The following RIMBP2 variants were observed in gnomAD, a reference collection of about 807,000 sequenced individuals.
RIMBP2 encodes the protein RIMS binding protein 2, also known as RIMS-binding protein 2.
In RIMBP2, 48 loss-of-function variants were observed where a neutral mutation model predicts 118.6. That is an observed-to-expected ratio of 0.40 (90% CI 0.32 to 0.51). The LOEUF is 0.51. Ranked by LOEUF, RIMBP2 falls within the 20% of genes least tolerant of loss-of-function variation. The probability of loss-of-function intolerance (pLI) is 0.41; values close to 1 mark genes in which losing one functional copy is unlikely to be tolerated. For missense variants in RIMBP2, 1,551 were observed against 1,768.3 expected (o/e 0.88, Z 2.20); for synonymous variants, 762 against 742.9 (o/e 1.03, Z -0.42).
intron 1 of RIMBP2, among the ~76,000 whole-genome samples, chr12:130,681,898 T>G (rs2064805258): frequency 6.6e-6 from 1 of 152,122 alleles, no homozygotes; most frequent in African/African-American, 2.4e-5. Flanking sequence ...GGTATCACCA[T>G]GCTGGCCAGA....
At chr12:130,611,799 G>C (rs1443472234) in intron 2 of RIMBP2, among the ~76,000 whole-genome samples, 3 of 152,050 alleles carry the variant, frequency 2.0e-5, no homozygotes, top group Non-Finnish European at 2.9e-5. Context: ...AACCCATGTC[G>C]ACCCATGAAA....
chr12:130,621,937 C>G lies in RIMBP2; in HGVS notation c.-217+6385G>C, dbSNP rs1388307408. Among the ~76,000 whole-genome samples, 1 of 152,238 alleles carries G rather than the reference C, an allele frequency of 6.6e-6. No homozygotes were observed. The highest frequency in any genetic ancestry group is 1.5e-5 in the Non-Finnish European group (1 of 68,040). On this transcript the variant is annotated intron_variant, in intron 2 of 22. Transcript: ENST00000690449. The surrounding 1 kb of genome is among the most constrained non-coding windows in gnomAD (Gnocchi z 6.6). ...GCACTAATGACTCGTTTGACTGTAA[C>G]TGGCACTGAGACTTCAGTATCAACA...
In RIMBP2 at chr12:130,396,154, A is replaced by C. The variant is rs2136224672; in HGVS notation, c.*1207T>G. 6.5e-6 allele frequency: 1 copy of C among 152,762 alleles called. No individual in the cohort carries two copies. The highest frequency in any genetic ancestry group is 1.5e-5 in the Non-Finnish European group (1 of 68,020). 9.5% of individuals were successfully genotyped at this position (152,762 alleles called of 1,614,324 possible). On this transcript the variant is annotated 3_prime_UTR_variant, in exon 23 of 23. Coordinates refer to ENST00000690449, the MANE Select transcript of RIMBP2 (RefSeq NM_001393629.1). ...AGTGTTGTATAAAATAACAAATTTTATTTCTAGAAAATATTTTACACTAAC... is the reference window on the plus strand; with the variant it reads ...AGTGTTGTATAAAATAACAAATTTTCTTTCTAGAAAATATTTTACACTAAC...
At chr12:130,626,561 C>T (rs1444305157) in intron 2 of RIMBP2, among the ~76,000 whole-genome samples, 1 of 152,000 alleles carries the variant, frequency 6.6e-6, no homozygotes, top group East Asian at 1.9e-4. Context: ...CCGCCGGCAT[C>T]ACCACCATCT....
intron 4 of RIMBP2, among the ~76,000 whole-genome samples, chr12:130,506,320 T>C (rs1299953509): frequency 1.3e-5 from 2 of 152,204 alleles, no homozygotes; most frequent in Non-Finnish European, 2.9e-5. Context: ...AAACCCACTG[T>C]AGCCACCTCT....
chr12:130,438,335 A>AACCC, intron 12 of RIMBP2, 30 bp downstream of exon 12: 22 of 865,002 alleles, frequency 2.5e-5, no homozygotes, highest in Non-Finnish European at 3.8e-5. Flanking sequence ...GGCCTAACAA[A>AACCC]CCCTCCCCAC....
intron 4 of RIMBP2, among the ~76,000 whole-genome samples, chr12:130,502,134 C>T (rs2049854644): frequency 6.6e-6 from 1 of 152,178 alleles, no homozygotes; most frequent in Non-Finnish European, 1.5e-5. Context: ...GGCAGTCACC[C>T]CAGCCCAACC....
chr12:130,449,537 A>T (rs1020015132), intron 9 of RIMBP2, among the ~76,000 whole-genome samples: 2 of 146,908 alleles, frequency 1.4e-5, no homozygotes, highest in Non-Finnish European at 3.0e-5. Flanking sequence ...TGCTGGACAC[A>T]CCCCCTTTCA....
At chr12:130,651,488 G>A (rs1355475772) in intron 1 of RIMBP2, 1 of 152,264 alleles carries the variant, frequency 6.6e-6, no homozygotes, top group African/African-American at 2.4e-5. Context: ...AGGTGAGATG[G>A]TCATTCCCAC....
chr12:130,689,416 A>C (rs1158252473), intron 1 of RIMBP2, among the ~76,000 whole-genome samples: 1 of 152,180 alleles, frequency 6.6e-6, no homozygotes, highest in African/African-American at 2.4e-5. Flanking sequence ...TTGGGCAACA[A>C]GAGTGAAATT....
intron 4 of RIMBP2, among the ~76,000 whole-genome samples, chr12:130,484,429 C>T (rs964927325): frequency 2.6e-5 from 4 of 152,224 alleles, no homozygotes; most frequent in African/African-American, 7.2e-5. Flanking sequence ...GCCTGGTGGC[C>T]GCCCGGCCCC....
At chr12:130,505,225 G>A (rs2050186807) in intron 4 of RIMBP2, among the ~76,000 whole-genome samples, 1 of 152,084 alleles carries the variant, frequency 6.6e-6, no homozygotes, top group Admixed American at 6.5e-5. Flanking sequence ...GACCAGCTTG[G>A]TTCACATTCA....
chr12:130,403,730 C>A (rs147735345), intron 21 of RIMBP2, among the ~76,000 whole-genome samples: 34 of 152,114 alleles, frequency 2.2e-4, no homozygotes, highest in Middle Eastern at 3.5e-3. Flanking sequence ...TAGCATAATC[C>A]CGGTATCAAA....
chr12:130,655,611 T>C (rs189611548), intron 1 of RIMBP2, among the ~76,000 whole-genome samples: 12 of 152,284 alleles, frequency 7.9e-5, no homozygotes, highest in Admixed American at 5.2e-4. Flanking sequence ...AAATGTTGCA[T>C]AGACACAGAA....
chr12:130,521,737 C>G (rs900842466), intron 2 of RIMBP2, among the ~76,000 whole-genome samples: 3 of 152,200 alleles, frequency 2.0e-5, no homozygotes, highest in Non-Finnish European at 4.4e-5. Flanking sequence ...TAGGCACCAC[C>G]CCCGTCTTAG....
chr12:130,496,816 G>A (rs1175836103), intron 4 of RIMBP2, among the ~76,000 whole-genome samples: 2 of 152,160 alleles, frequency 1.3e-5, no homozygotes, highest in African/African-American at 2.4e-5. Context: ...TCTCCCTGAG[G>A]AGTGGGACCC....
intron 2 of RIMBP2, among the ~76,000 whole-genome samples, chr12:130,612,239 GC>G (rs1420402539): frequency 6.6e-6 from 1 of 152,150 alleles, no homozygotes; most frequent in Non-Finnish European, 1.5e-5. Context: ...TCGCTCCTCA[GC>G]CTCACCTTCC....
chr12:130,623,931 C>A lies in RIMBP2; in HGVS notation c.-217+4391G>T, dbSNP rs568426813. Among the ~76,000 whole-genome samples, 32 of 152,344 alleles carry A rather than the reference C, an allele frequency of 2.1e-4. No homozygotes were observed. Among genetic ancestry groups the A allele is most frequent in the African/African-American group, 7.7e-4 (32 of 41,586 alleles). On this transcript the variant is annotated intron_variant, in intron 2 of 22. Transcript: ENST00000690449. The surrounding 1 kb of genome is among the most constrained non-coding windows in gnomAD (Gnocchi z 4.1). Reference sequence around the variant, plus strand: ...CAGTGGCAACTGGCTGGATAACACACACCCATTACTGACTTCCTGCCCTGC... The same window carrying A: ...CAGTGGCAACTGGCTGGATAACACAAACCCATTACTGACTTCCTGCCCTGC...
In RIMBP2 at chr12:130,563,026, T is replaced by A. The variant is rs186946700; in HGVS notation, c.-216-45109A>T. Among the ~76,000 whole-genome samples, 249 of 152,338 alleles carry A rather than the reference T, an allele frequency of 1.6e-3. 7 individuals carry two copies. Among genetic ancestry groups the A allele is most frequent in the Admixed American group, 0.016 (246 of 15,288 alleles). On this transcript the variant is annotated intron_variant, in intron 2 of 22. Transcript: ENST00000690449. The stretch of plus-strand genomic sequence containing the variant: ...CTTTTGACTTTACTGATCTCATCTA[T>A]CTTTCTAACTGAGGACTAAACCAGA...
Sources: gnomAD v4.1 joint callset for allele counts (sites outside exome capture counted in the v4.1 genomes callset) on GRCh38, gnomAD v4.1.1 for gene constraint, Gnocchi (gnomAD v3.1) non-coding constraint, MANE v1.5 for transcripts, NCBI Gene and HGNC (gene_info 2026-07-23, HGNC 2026-07-21) for gene names.